Variants in THOC5 observed in about 807,000 individuals in gnomAD.
The protein encoded by THOC5 is THO complex subunit 5.
In THOC5, 43 loss-of-function variants were observed where a neutral mutation model predicts 92.9. The ratio of observed to expected loss-of-function variants is 0.46; its 90% CI spans 0.36 to 0.60. The LOEUF is 0.60. THOC5 is among the 20% of genes least tolerant of loss of function. THOC5 has a pLI of 0.00. For synonymous variants in THOC5, 296 were observed against 320.1 expected (o/e 0.92, Z 0.80); for missense variants, 659 against 849.4 (o/e 0.78, Z 2.79).
chr22:29,531,724 C>T (rs766710075), intron 8 of THOC5, 107 bp downstream of exon 8: 17 of 1,494,522 alleles, frequency 1.1e-5, no homozygotes, highest in African/African-American at 2.8e-5. Context: ...CTGAGGGCTT[C>T]GGGCAGGACT....
At chr22:29,521,516 C>T (rs2063441101) in intron 12 of THOC5, among the ~76,000 whole-genome samples, 1 of 152,120 alleles carries the variant, frequency 6.6e-6, no homozygotes, top group Non-Finnish European at 1.5e-5. Flanking sequence ...GAAATAATTT[C>T]AATTTTCATA....
At chr22:29,515,548 C>T (rs887297627) in intron 17 of THOC5, among the ~76,000 whole-genome samples, 2 of 150,476 alleles carry the variant, frequency 1.3e-5, no homozygotes, top group Admixed American at 1.3e-4. Context: ...AAAGGAAGAC[C>T]GGGTGTGGTG....
At chr22:29,519,632 GC>G (rs1215734207) in intron 14 of THOC5, among the ~76,000 whole-genome samples, 6 of 141,820 alleles carry the variant, frequency 4.2e-5, no homozygotes, top group Non-Finnish European at 6.2e-5. Flanking sequence ...GCCATGACAG[GC>G]CTTTTTTTTT....
At chr22:29,548,945 A>G in intron 2 of THOC5, 107 bp downstream of exon 2, 1 of 1,012,538 alleles carries the variant, frequency 9.9e-7, no homozygotes, top group East Asian at 2.6e-5. Flanking sequence ...AAGCCACCAA[A>G]AAGTTGTACC....
At chr22:29,534,709 C>G (rs113208127) in intron 7 of THOC5, 3 of 151,884 alleles carry the variant, frequency 2.0e-5, no homozygotes, top group African/African-American at 7.3e-5. Flanking sequence ...AATCCCAGCA[C>G]TTTGGGAGGC....
chr22:29,519,991 G>A lies in THOC5; in HGVS notation c.1374+17C>T. ...AGGTAAGCTCCTCAGCCAACTAGAT[G>A]AGATCAGTGTACAGACCTGGGGCTG... On this transcript the variant is annotated intron_variant, in intron 14 of 19. Transcript: ENST00000490103. 1.2e-6 allele frequency: 2 copies of A among 1,605,728 alleles called. No individual in the cohort carries two copies. The highest frequency in any genetic ancestry group is 1.7e-6 in the Non-Finnish European group (2 of 1,174,094).
At chr22:29,536,345 G>A (rs1260336337) in intron 7 of THOC5, 1 of 328,116 alleles carries the variant, frequency 3.0e-6, no homozygotes, top group Non-Finnish European at 5.5e-6. Flanking sequence ...GGGCCATGCA[G>A]GGGGTAAACT....
chr22:29,528,223 T>C (rs5763297), intron 10 of THOC5, 46 bp from the exon 11 acceptor site: 371,114 of 1,613,476 alleles, frequency 0.23, 45,041 homozygotes, highest in East Asian at 0.46. Flanking sequence ...GTCATAGCAA[T>C]CTCCCCTTCC....
At chr22:29,514,880 A>G (rs2146443404) in intron 17 of THOC5, among the ~76,000 whole-genome samples, 1 of 151,170 alleles carries the variant, frequency 6.6e-6, no homozygotes, top group South Asian at 2.1e-4. Context: ...TAACTTTTAT[A>G]TTTTTAGTAG....
chr22:29,511,396 C>G (rs1306925315), intron 18 of THOC5, 100 bp from the exon 19 acceptor site: 10 of 1,356,702 alleles, frequency 7.4e-6, no homozygotes, highest in Non-Finnish European at 9.1e-6. Flanking sequence ...GCGCTGATGC[C>G]TCTGCAGGGG....
intron 12 of THOC5, among the ~76,000 whole-genome samples, chr22:29,524,809 G>A (rs1398756234): frequency 6.6e-6 from 1 of 152,166 alleles, no homozygotes; most frequent in Admixed American, 6.6e-5. Context: ...AACTGGCAGG[G>A]GTGGAAAGAG....
At chr22:29,547,631 G>A (rs2064050981) in intron 2 of THOC5, among the ~76,000 whole-genome samples, 1 of 152,032 alleles carries the variant, frequency 6.6e-6, no homozygotes, top group African/African-American at 2.4e-5. Context: ...CCAAAGTGCT[G>A]GGATTACAGG....
intron 19 of THOC5, among the ~76,000 whole-genome samples, chr22:29,509,062 G>A (rs6006178): frequency 0.26 from 38,941 of 151,858 alleles, 5,087 homozygotes; most frequent in East Asian, 0.31. Flanking sequence ...CATCCTGGCC[G>A]GAGAGCCTTG....
chr22:29,521,127 A>T, intron 12 of THOC5, 28 bp from the exon 13 acceptor site: 1 of 1,526,430 alleles, frequency 6.6e-7, no homozygotes, highest in South Asian at 1.1e-5. Flanking sequence ...GTAAGCAGTG[A>T]GAATGCAGCC....
chr22:29,510,424 C>T (rs537199102), intron 19 of THOC5, among the ~76,000 whole-genome samples: 1 of 152,178 alleles, frequency 6.6e-6, no homozygotes, highest in Non-Finnish European at 1.5e-5. Flanking sequence ...TGGTGAAACC[C>T]CATCTCTACA....
At position 29,517,044 on chromosome 22, in the gene THOC5, T is replaced by C. The variant is rs76322387; in HGVS notation, c.1666A>G (p.Ile556Val). The change falls in exon 17 of 20, where the codon ATC (isoleucine) becomes GTC (valine). Residue 556 changes from isoleucine to valine, a missense_variant. Coordinates refer to ENST00000490103, the MANE Select transcript of THOC5 (RefSeq NM_003678.5). ...GDTNLYYMAL[I>V]ERGTAKLQAA... is the part of the protein sequence containing the mutation. Reference sequence around the variant, plus strand: ...GAGCAATTACCTGTGCCCCTTTCGATGAGCGCCATGTAGTAGAGATTGGTG... The same window carrying C: ...GAGCAATTACCTGTGCCCCTTTCGACGAGCGCCATGTAGTAGAGATTGGTG... The C allele has an allele frequency of 0.012, 19,942 of 1,613,694 alleles. 181 individuals carry two copies. The highest frequency in any genetic ancestry group is 0.015 in the Non-Finnish European group (17,239 of 1,179,564).
intron 1 of THOC5, among the ~76,000 whole-genome samples, chr22:29,551,100 GGA>G (rs2064132754): frequency 6.6e-6 from 1 of 152,132 alleles, no homozygotes; most frequent in Non-Finnish European, 1.5e-5. Flanking sequence ...CATTTCTGGT[GGA>G]GAGATTTCAA....
intron 11 of THOC5, 60 bp downstream of exon 11, chr22:29,528,018 T>C: frequency 6.4e-7 from 1 of 1,556,384 alleles, no homozygotes; most frequent in Non-Finnish European, 8.9e-7. Flanking sequence ...CCTCTGCACC[T>C]GCAGCTGGGT....
Position 29,528,440 on chromosome 22 carries a change from C to T in THOC5, c.952G>A (p.Glu318Lys), listed in dbSNP as rs2063587280. ...QDDESDSDAE[E>K]EQTTKRRRPT... is the part of the protein sequence containing the mutation. ...ATGGTTCTCACCGTAGTCTGCTCCTCCTCGGCATCTGAGTCACTCTCGTCA... is the reference window on the plus strand; with the variant it reads ...ATGGTTCTCACCGTAGTCTGCTCCTTCTCGGCATCTGAGTCACTCTCGTCA... Residue 318 changes from glutamate (E) to lysine (K), a missense_variant, in exon 10 of 20, where the codon GAG becomes AAG. By Grantham distance (56) the Glu-to-Lys change is moderately conservative. Coordinates refer to ENST00000490103, the MANE Select transcript of THOC5 (RefSeq NM_003678.5). 1 of 1,613,610 alleles carries T rather than the reference C, an allele frequency of 6.2e-7. No individual in the cohort carries two copies. Among genetic ancestry groups the T allele is most frequent in the South Asian group, 1.1e-5 (1 of 91,082 alleles).
Sources: allele counts gnomAD v4.1 joint callset (sites outside exome capture counted in the v4.1 genomes callset), GRCh38; gene constraint gnomAD v4.1.1; transcripts MANE v1.5; gene names NCBI Gene and HGNC (gene_info 2026-07-23, HGNC 2026-07-21).